Variants in SYNE3 observed in about 807,000 individuals in gnomAD.
SYNE3 encodes nesprin-3.
A neutral mutation model predicts 111.2 loss-of-function variants in SYNE3; 100 were observed. The observed-to-expected ratio is 0.90, with a 90% confidence interval of 0.77 to 1.06. SYNE3 has a LOEUF of 1.06. Ranked by LOEUF, SYNE3 falls within the 50% of genes least tolerant of loss-of-function variation. The probability of loss-of-function intolerance (pLI) is 0.00; values close to 1 mark genes in which losing one functional copy is unlikely to be tolerated. For synonymous variants in SYNE3, 547 were observed against 533.9 expected (o/e 1.02, Z -0.34); for missense variants, 1,160 against 1,240.3 (o/e 0.94, Z 0.97).
At chr14:95,447,324 G>A (rs1566966185) in intron 8 of SYNE3, among the ~76,000 whole-genome samples, 1 of 152,040 alleles carries the variant, frequency 6.6e-6, no homozygotes, top group Non-Finnish European at 1.5e-5. Context: ...TTTTAGTAGA[G>A]ACGGGGTTTC....
intron 3 of SYNE3, among the ~76,000 whole-genome samples, chr14:95,467,094 T>C (rs542079414): frequency 1.3e-5 from 2 of 152,308 alleles, no homozygotes; most frequent in East Asian, 3.9e-4. Flanking sequence ...ATCAAGTCAC[T>C]GTGTTAGGAA....
chr14:95,461,067 G>T (rs1013871615), intron 4 of SYNE3, among the ~76,000 whole-genome samples: 17 of 152,250 alleles, frequency 1.1e-4, no homozygotes, highest in Admixed American at 9.2e-4. Flanking sequence ...AGCCGTGCTG[G>T]AGAATGACGG....
Position 95,468,119 on chromosome 14 carries a change from C to G in SYNE3, c.145-152G>C. On this transcript the variant is annotated intron_variant, in intron 2 of 17. Transcript: ENST00000682763. ...GCCCCTGCACCCCTTCTTGTGGGGT[C>G]TTGGGCAACCTGCTACTAGCTCTGA... 3 of 871,062 alleles carry G rather than the reference C, an allele frequency of 3.4e-6. No individual in the cohort carries two copies. In the East Asian group the frequency reaches 8.1e-5, roughly 24 times the overall value. 54.0% of individuals were successfully genotyped at this position (871,062 alleles called of 1,614,324 possible).
chr14:95,474,029 T>C (rs1167945608), intron 2 of SYNE3, among the ~76,000 whole-genome samples: 1 of 147,752 alleles, frequency 6.8e-6, no homozygotes, highest in Non-Finnish European at 1.5e-5. Flanking sequence ...GAACTAAGGC[T>C]GGTGTGAGCT....
At chr14:95,453,593 G>A (rs10135493) in intron 6 of SYNE3, among the ~76,000 whole-genome samples, 20,922 of 152,292 alleles carry the variant, frequency 0.14, 4,621 homozygotes, top group African/African-American at 0.47. Flanking sequence ...AAGTTTTCAC[G>A]GAAGACCAGA....
At chr14:95,447,406 G>C (rs1219017688) in intron 8 of SYNE3, among the ~76,000 whole-genome samples, 1 of 152,102 alleles carries the variant, frequency 6.6e-6, no homozygotes, top group African/African-American at 2.4e-5. Flanking sequence ...AAAGTGCTGG[G>C]ATTACAGGCG....
At chr14:95,487,117 C>T (rs1489692145) in intron 1 of SYNE3, among the ~76,000 whole-genome samples, 1 of 152,224 alleles carries the variant, frequency 6.6e-6, no homozygotes, top group Non-Finnish European at 1.5e-5. Context: ...TGACTCTTCC[C>T]TGTCTCTTTC....
At chr14:95,425,785 A>G (rs1187756) in intron 17 of SYNE3, among the ~76,000 whole-genome samples, 1 of 151,646 alleles carries the variant, frequency 6.6e-6, no homozygotes, top group South Asian at 2.1e-4. Context: ...ATAAATTCAA[A>G]AGAGACTATT....
intron 1 of SYNE3, among the ~76,000 whole-genome samples, chr14:95,505,889 C>A (rs1890509625): frequency 6.6e-6 from 1 of 152,102 alleles, no homozygotes; most frequent in African/African-American, 2.4e-5. Context: ...CTGAGATGTT[C>A]ACCTAGACAA....
intron 11 of SYNE3, among the ~76,000 whole-genome samples, chr14:95,442,766 C>G (rs1004192346): frequency 1.1e-4 from 16 of 152,228 alleles, no homozygotes; most frequent in Non-Finnish European, 1.0e-4. Context: ...CCGAGGCCGC[C>G]TGTGTTCTGG....
chr14:95,485,900 C>A lies in SYNE3; in HGVS notation c.-14-10065G>T, dbSNP rs146747055. Among the ~76,000 whole-genome samples, 68 of 152,304 alleles carry A rather than the reference C, an allele frequency of 4.5e-4. No individual in the cohort carries two copies. Among genetic ancestry groups the A allele is most frequent in the African/African-American group, 1.5e-3 (63 of 41,560 alleles). ...AATGAATGCAACTTCTCCCACCTCA[C>A]CCCTGAGGACCAGCAGAGTCTGATT... On this transcript the variant is annotated intron_variant, in intron 1 of 17. Coordinates refer to ENST00000682763, the MANE Select transcript of SYNE3 (RefSeq NM_152592.6). This position sits in a 1 kb window ranked among gnomAD's most constrained non-coding sequence, Gnocchi z 4.3.
intron 17 of SYNE3, among the ~76,000 whole-genome samples, chr14:95,428,678 A>G (rs1885570768): frequency 6.6e-6 from 1 of 152,238 alleles, no homozygotes; most frequent in East Asian, 1.9e-4. Flanking sequence ...CAAGGAATGC[A>G]ATATAGTTGA....
Position 95,442,536 on chromosome 14 carries a change from C to T in SYNE3, c.1911+619G>A, listed in dbSNP as rs578038335. Among the ~76,000 whole-genome samples, 9 of 152,318 alleles carry T rather than the reference C, an allele frequency of 5.9e-5. No individual in the cohort carries two copies. The South Asian group carries it at 1.2e-3, about 21-fold the overall frequency. On this transcript the variant is annotated intron_variant, in intron 11 of 17. Coordinates refer to ENST00000682763, the MANE Select transcript of SYNE3 (RefSeq NM_152592.6). ...TTATACTCCTCAGGGCTTGTTACAA[C>T]GGCAGACCCAGGACTCCATCTGAAT...
chr14:95,466,638 A>G (rs8011605), intron 3 of SYNE3, among the ~76,000 whole-genome samples: 105,241 of 152,088 alleles, frequency 0.69, 36,631 homozygotes, highest in African/African-American at 0.75. Context: ...CTGGGGCTCT[A>G]AACACAGTTT....
chr14:95,501,736 A>G (rs146887602), intron 1 of SYNE3, among the ~76,000 whole-genome samples: 226 of 152,342 alleles, frequency 1.5e-3, no homozygotes, highest in African/African-American at 5.2e-3. Flanking sequence ...GGGGGAAGCA[A>G]CAAGATGTGC....
At chr14:95,503,391 A>G (rs1566690033) in intron 1 of SYNE3, among the ~76,000 whole-genome samples, 1 of 152,164 alleles carries the variant, frequency 6.6e-6, no homozygotes, top group Non-Finnish European at 1.5e-5. Context: ...GGATTCTTTC[A>G]CTGATGCCGT....
At position 95,417,647 on chromosome 14, in the gene SYNE3, T is replaced by A; in HGVS notation, c.*179A>T. 1.5e-6 allele frequency: 1 copy of A among 654,896 alleles called. No individual in the cohort carries two copies. 40.6% of individuals were successfully genotyped at this position (654,896 alleles called of 1,614,324 possible). A position where few individuals can be genotyped will look rare whatever the true frequency, so the allele number is the denominator to read the frequency against. On this transcript the variant is annotated 3_prime_UTR_variant, in exon 18 of 18. Coordinates refer to ENST00000682763, the MANE Select transcript of SYNE3 (RefSeq NM_152592.6). ...TAGTACACATTTAGTATAAATAGACTAAGACAACACTGTATAAAAAGTAAG... is the reference window on the plus strand; with the variant it reads ...TAGTACACATTTAGTATAAATAGACAAAGACAACACTGTATAAAAAGTAAG...
chr14:95,473,538 C>G (rs1888664676), intron 2 of SYNE3, among the ~76,000 whole-genome samples: 1 of 152,010 alleles, frequency 6.6e-6, no homozygotes, highest in Non-Finnish European at 1.5e-5. Flanking sequence ...AAAAAGCATT[C>G]CAAGCAGAGG....
intron 1 of SYNE3, among the ~76,000 whole-genome samples, chr14:95,491,957 T>A (rs1889873125): frequency 6.6e-6 from 1 of 152,204 alleles, no homozygotes; most frequent in Non-Finnish European, 1.5e-5. Context: ...AATAGACATT[T>A]CTTTAAATCA....
Sources: gnomAD v4.1 joint callset for allele counts (sites outside exome capture counted in the v4.1 genomes callset) on GRCh38, gnomAD v4.1.1 for gene constraint, Gnocchi (gnomAD v3.1) non-coding constraint, MANE v1.5 for transcripts, NCBI Gene and HGNC (gene_info 2026-07-23, HGNC 2026-07-21) for gene names.